HERC2: variants seen among roughly 807,000 people sequenced by gnomAD.
The protein encoded by HERC2 is HECT and RLD domain containing E3 ubiquitin protein ligase 2.
HERC2 carries 102 observed loss-of-function variants against 537.7 expected under a neutral mutation model. The ratio of observed to expected loss-of-function variants is 0.19; its 90% confidence interval spans 0.16 to 0.22. The LOEUF (loss-of-function observed/expected upper bound fraction) is 0.22. Ranked by LOEUF, HERC2 falls within the 10% of genes least tolerant of loss-of-function variation. The pLI is 1.00. For synonymous variants in HERC2, 2,224 were observed against 2,466.2 expected, an observed-to-expected ratio of 0.90 and a Z score of 2.91; for missense variants, 4,236 against 6,198.2, an observed-to-expected ratio of 0.68 and a Z score of 10.63.
chr15:28,113,489 TTCTGAC>T lies in HERC2; in HGVS notation c.14019+78_14019+83del. 1 of 1,271,148 alleles carries T rather than the reference TTCTGAC, an allele frequency of 7.9e-7. No homozygotes were observed. The highest frequency in any genetic ancestry group is 1.5e-5 in the African/African-American group (1 of 68,118). The allele number at this position is 1,271,148 out of a possible 1,614,324, so 78.7% of individuals were successfully genotyped here. A position where few individuals can be genotyped will look rare whatever the true frequency, so the allele number is the denominator to read the frequency against. On this transcript the variant is annotated intron_variant, in intron 91 of 92. Transcript: ENST00000261609. This position sits in a 1 kb window ranked among gnomAD's most constrained non-coding sequence, Gnocchi z 7.0. ...CCTTCAGTCAACACACAGGGCAAGG[TTCTGAC>T]TCTAACTGCTGTCACTGATTTGTGG...
intron 20 of HERC2, among the ~76,000 whole-genome samples, chr15:28,249,884 C>A (rs1427461745): frequency 6.6e-6 from 1 of 151,270 alleles, no homozygotes; most frequent in Non-Finnish European, 1.5e-5. Flanking sequence ...CTCGATTTCC[C>A]GACCTCGTGA....
chr15:28,144,052 A>C (rs1335309931), intron 73 of HERC2, 25 bp downstream of exon 73: 1 of 1,614,192 alleles, frequency 6.2e-7, no homozygotes, highest in Non-Finnish European at 8.5e-7. Context: ...AGGAAGACAG[A>C]TGTAACTGTA....
At chr15:28,222,314 T>C (rs1900604222) in intron 35 of HERC2, 99 bp from the exon 36 acceptor site, 5 of 618,538 alleles carry the variant, frequency 8.1e-6, no homozygotes, top group Non-Finnish European at 1.2e-5. Context: ...AGATCGTAAT[T>C]TTGAACAATC....
intron 79 of HERC2, 124 bp from the exon 80 acceptor site, chr15:28,132,954 C>A: frequency 9.8e-6 from 8 of 817,392 alleles, no homozygotes; most frequent in Non-Finnish European, 1.4e-5. Flanking sequence ...CAAGAAGAAT[C>A]ATTCAGACCT....
intron 70 of HERC2, among the ~76,000 whole-genome samples, chr15:28,151,682 A>C (rs1381209372): frequency 6.6e-6 from 1 of 152,054 alleles, no homozygotes. Flanking sequence ...CACTGTCTAG[A>C]AACAGGATAA....
rs1887696347 is a variant in HERC2, at chr15:28,112,027, A to T, written c.14241T>A (p.Asp4747Glu). The T allele has an allele frequency of 6.2e-7, 1 of 1,613,518 alleles. No individual in the cohort carries two copies. Among genetic ancestry groups the T allele is most frequent in the Admixed American group, 1.7e-5 (1 of 59,994 alleles). The change falls in exon 93 of 93, where the codon GAT becomes GAA. Residue 4747 changes from aspartate to glutamate, a missense_variant. Asp to Glu is a conservative substitution (Grantham distance 45). Coordinates refer to ENST00000261609, the MANE Select transcript of HERC2 (RefSeq NM_004667.6). ...RGRDFVIQVL[D>E]KYNPPDHFLP... ...GGAAGTGGTCTGGAGGGTTGTATTT[A>T]TCCAACACCTGTTGAGCAGAAACAT...
chr15:28,263,072 G>T lies in HERC2; in HGVS notation c.1968C>A (p.Asp656Glu), dbSNP rs766881622. The T allele has an allele frequency of 3.7e-6, 6 of 1,614,174 alleles. No homozygotes were observed. The highest frequency in any genetic ancestry group is 5.1e-6 in the Non-Finnish European group (6 of 1,180,032). Residue 656 changes from aspartate (D) to glutamate (E), a missense_variant, in exon 15 of 93, where the codon GAC becomes GAA. Transcript: ENST00000261609. Reference protein sequence around the residue: ...KTPKLIEKLQDLDVVKVRCGS... With the variant: ...KTPKLIEKLQELDVVKVRCGS... ...CACAGCGGACTTTGACCACATCCAA[G>T]TCTTGAAGCTTTTCAATCAGCTTTG... is the stretch of plus-strand genomic sequence containing the variant.
At chr15:28,321,223 G>A in intron 2 of HERC2, 139 bp downstream of exon 2, 2 of 646,658 alleles carry the variant, frequency 3.1e-6, no homozygotes, top group Non-Finnish European at 5.6e-6. Context: ...TACATTTTAA[G>A]TTACAGGAAA....
At chr15:28,118,377 G>A (rs1460013826) in intron 86 of HERC2, 1 of 152,288 alleles carries the variant, frequency 6.6e-6, no homozygotes, top group Admixed American at 6.5e-5. Context: ...CATAAGGCTG[G>A]AGGCAGACAG....
intron 4 of HERC2, among the ~76,000 whole-genome samples, chr15:28,292,623 C>A (rs2076348946): frequency 6.6e-6 from 1 of 152,086 alleles, no homozygotes; most frequent in African/African-American, 2.4e-5. Flanking sequence ...TAAGACCAGC[C>A]TGGGCAACAC....
intron 2 of HERC2, among the ~76,000 whole-genome samples, chr15:28,316,762 CTTTT>C (rs1355995993): frequency 6.6e-6 from 1 of 152,106 alleles, no homozygotes; most frequent in African/African-American, 2.4e-5. Context: ...CATGTTTATA[CTTTT>C]TTTATCTACT....
In HERC2 at chr15:28,265,881, C is replaced by T. The variant is rs199900591; in HGVS notation, c.1692G>A (p.Ala564=). The T allele has an allele frequency of 3.1e-5, 50 of 1,614,198 alleles. No individual in the cohort carries two copies. The Admixed American group carries it at 7.3e-4, about 24-fold the overall frequency. The change falls in exon 13 of 93, where the codon GCG becomes GCA. Residue 564 remains alanine (A), a synonymous_variant. Transcript: ENST00000261609. This position sits in a 1 kb window ranked among gnomAD's most constrained non-coding sequence, Gnocchi z 4.0. ...ACAGCTCCCCCTCGGCAGTGATGGC[C>T]GCACTGTAAGTGCTCCCGCAAGCGA... is the stretch of plus-strand genomic sequence containing the variant. The part of the protein sequence containing the change: ...VHIACGSTYS[A]AITAEGELYT...
rs534751272 is a variant in HERC2 at position 28,174,550 on chromosome 15, G to T, written c.9902C>A (p.Thr3301Lys). 1 of 1,613,690 alleles carries T rather than the reference G, an allele frequency of 6.2e-7. No homozygotes were observed. The highest frequency in any genetic ancestry group is 8.5e-7 in the Non-Finnish European group (1 of 1,179,854). The change falls in exon 65 of 93, where the codon ACA (threonine) becomes AAA (lysine). Residue 3301 changes from threonine to lysine, a missense_variant. Physicochemically the swap from Thr to Lys is moderately conservative, Grantham distance 78 (BLOSUM62 -1). Transcript: ENST00000261609. ...NGTTTVNRKP[T>K]LVQGLEGQKI... Reference sequence around the variant, plus strand: ...CTGGCCTTCTAAGCCTTGCACGAGTGTGGGCTTCCTGTTAACCGTGGTCGT... The same window carrying T: ...CTGGCCTTCTAAGCCTTGCACGAGTTTGGGCTTCCTGTTAACCGTGGTCGT...
chr15:28,237,502 A>G (rs1379286456), intron 25 of HERC2, among the ~76,000 whole-genome samples: 1 of 152,264 alleles, frequency 6.6e-6, no homozygotes, highest in Non-Finnish European at 1.5e-5. Flanking sequence ...GATGACAAGT[A>G]TTAGTGGACT....
Position 28,175,551 on chromosome 15 carries a change from G to A in HERC2, c.9792C>T (p.Val3264=), listed in dbSNP as rs756826766. 29 of 1,613,608 alleles carry A rather than the reference G, an allele frequency of 1.8e-5. No homozygotes were observed. Among genetic ancestry groups the A allele is most frequent in the South Asian group, 3.3e-5 (3 of 90,978 alleles). The change falls in exon 64 of 93, where the codon GTC becomes GTT. Residue 3264 remains valine (V), a synonymous_variant. Transcript: ENST00000261609. The part of the protein sequence containing the change: ...LRGKKIVHVA[V]GALHCLAVTD... ...TGACCGCCAGGCAGTGCAGGGCCCC[G>A]ACAGCCACATGCACGATCTTCTTCC...
intron 12 of HERC2, among the ~76,000 whole-genome samples, chr15:28,266,947 G>A (rs1471386857): frequency 6.6e-6 from 1 of 152,152 alleles, no homozygotes; most frequent in Non-Finnish European, 1.5e-5. Context: ...ATATGTATTT[G>A]TTAAATGAAT....
chr15:28,246,428 T>A (rs761825185), intron 22 of HERC2, among the ~76,000 whole-genome samples: 1 of 152,178 alleles, frequency 6.6e-6, no homozygotes, highest in Non-Finnish European at 1.5e-5. Context: ...ATTTTTAAGA[T>A]CCTTAAATAG....
chr15:28,153,884 C>T (rs1004488837), intron 69 of HERC2, among the ~76,000 whole-genome samples: 6 of 152,036 alleles, frequency 3.9e-5, no homozygotes, highest in African/African-American at 1.4e-4. Flanking sequence ...GTGGGAGGGG[C>T]GGGAATCAGG....
At position 28,176,397 on chromosome 15, in the gene HERC2, A is replaced by C. The variant is rs750002878; in HGVS notation, c.9686+31T>G. On this transcript the variant is annotated intron_variant, in intron 63 of 92. Transcript: ENST00000261609. The surrounding 1 kb of genome is among the most constrained non-coding windows in gnomAD (Gnocchi z 5.0). ...TCCCTGCACACACCTGCACAAGCACACACAGTGTGACAGGGAGGACGTTTA... is the reference window on the plus strand; with the variant it reads ...TCCCTGCACACACCTGCACAAGCACCCACAGTGTGACAGGGAGGACGTTTA... 1 of 1,611,166 alleles carries C rather than the reference A, an allele frequency of 6.2e-7. No individual in the cohort carries two copies.
Sources: allele counts gnomAD v4.1 joint callset (sites outside exome capture counted in the v4.1 genomes callset), GRCh38; gene constraint gnomAD v4.1.1; non-coding constraint Gnocchi (gnomAD v3.1); transcripts MANE v1.5; gene names NCBI Gene and HGNC (gene_info 2026-07-23, HGNC 2026-07-21).